EML4: variants seen among roughly 807,000 people sequenced by gnomAD.
EML4 encodes the protein echinoderm microtubule-associated protein-like 4.
In EML4, 72 loss-of-function variants were observed where a neutral mutation model predicts 129.0. That is an observed-to-expected ratio of 0.56 (90% CI 0.46 to 0.68). EML4 has a LOEUF of 0.68. Among genes scored for constraint, EML4 ranks in the 30% least tolerant of loss-of-function variants. The probability of loss-of-function intolerance (pLI) is 0.00; values close to 1 mark genes in which losing one functional copy is unlikely to be tolerated. For missense variants in EML4, 1,363 were observed against 1,190.6 expected (o/e 1.14, Z -2.13); for synonymous variants, 532 against 405.0 (o/e 1.31, Z -3.77).
At chr2:42,232,328 GT>G (rs1674399882) in intron 1 of EML4, among the ~76,000 whole-genome samples, 2 of 152,180 alleles carry the variant, frequency 1.3e-5, no homozygotes, top group South Asian at 4.1e-4. Flanking sequence ...AAAGCACTTT[GT>G]TACAGAACTT....
At chr2:42,296,251 G>C (rs1291108431) in intron 13 of EML4, among the ~76,000 whole-genome samples, 3 of 152,084 alleles carry the variant, frequency 2.0e-5, no homozygotes, top group Non-Finnish European at 4.4e-5. Flanking sequence ...AAACCAGTGG[G>C]CCAGGAGAAG....
chr2:42,244,100 TG>T (rs1383221947), intron 1 of EML4, among the ~76,000 whole-genome samples: 2 of 47,656 alleles, frequency 4.2e-5, no homozygotes, highest in South Asian at 5.5e-4. Context: ...TTTTGTTTTT[TG>T]TTTTTTTTTT....
chr2:42,233,357 G>A (rs1469181924), intron 1 of EML4, among the ~76,000 whole-genome samples: 1 of 150,374 alleles, frequency 6.7e-6, no homozygotes, highest in African/African-American at 2.5e-5. Flanking sequence ...CCAGGCTGGA[G>A]TGCAGTGGCG....
chr2:42,209,022 A>G (rs1438066633), intron 1 of EML4, among the ~76,000 whole-genome samples: 1 of 152,122 alleles, frequency 6.6e-6, no homozygotes, highest in Non-Finnish European at 1.5e-5. Flanking sequence ...TTATCCCCTA[A>G]GAGTCCATCG....
intron 17 of EML4, among the ~76,000 whole-genome samples, chr2:42,314,838 A>C (rs1669148220): frequency 1.3e-5 from 2 of 152,228 alleles, no homozygotes; most frequent in South Asian, 4.1e-4. Context: ...GCTCTTCTGA[A>C]GTACCCATCC....
chr2:42,295,938 C>T (rs1667922829), intron 13 of EML4, among the ~76,000 whole-genome samples: 1 of 152,138 alleles, frequency 6.6e-6, no homozygotes, highest in African/African-American at 2.4e-5. Flanking sequence ...TTCCTCACTG[C>T]AGCCCTTCTT....
chr2:42,203,779 G>T (rs886545769), intron 1 of EML4, among the ~76,000 whole-genome samples: 1 of 151,576 alleles, frequency 6.6e-6, no homozygotes, highest in African/African-American at 2.4e-5. Flanking sequence ...GGCACAAAAA[G>T]GCCTGGACCT....
intron 2 of EML4, among the ~76,000 whole-genome samples, chr2:42,246,679 G>A (rs1209021191): frequency 6.6e-6 from 1 of 152,176 alleles, no homozygotes; most frequent in Non-Finnish European, 1.5e-5. Context: ...CTAGCAGTAA[G>A]AATTTGGGAA....
intron 7 of EML4, among the ~76,000 whole-genome samples, chr2:42,282,620 T>A (rs1667074167): frequency 6.6e-6 from 1 of 152,118 alleles, no homozygotes; most frequent in South Asian, 2.1e-4. Context: ...CTCAAACTCC[T>A]GGACTGAAGT....
At position 42,332,009 on chromosome 2, in the gene EML4, C is replaced by G. The variant is rs1404223584; in HGVS notation, c.*1802C>G. 4.5e-6 allele frequency: 1 copy of G among 221,078 alleles called. No individual in the cohort carries two copies. Among genetic ancestry groups the G allele is most frequent in the Middle Eastern group, 1.4e-3 (1 of 730 alleles). 13.7% of individuals were successfully genotyped at this position (221,078 alleles called of 1,614,324 possible). ...CCCATCTTTCTTCAGTATGTATGTT[C>G]TGTACATACTTATCGGAGCGCGCCA... On this transcript the variant is annotated 3_prime_UTR_variant, in exon 23 of 23. Coordinates refer to ENST00000318522, the MANE Select transcript of EML4 (RefSeq NM_019063.5).
At chr2:42,224,455 A>G (rs1022881107) in intron 1 of EML4, among the ~76,000 whole-genome samples, 6 of 152,090 alleles carry the variant, frequency 3.9e-5, no homozygotes, top group Admixed American at 6.5e-5. Flanking sequence ...TCAACATTTG[A>G]TGGACATTTG....
chr2:42,246,818 C>G (rs151127972), intron 2 of EML4, among the ~76,000 whole-genome samples: 3 of 152,128 alleles, frequency 2.0e-5, no homozygotes, highest in African/African-American at 7.2e-5. Context: ...CAGCTGCTTA[C>G]AGAGATGTCA....
At chr2:42,325,602 T>TTTTTTATATATATATATATATA (rs1286364147) in intron 20 of EML4, 48 bp downstream of exon 20, 3 of 124,278 alleles carry the variant, frequency 2.4e-5, no homozygotes, top group African/African-American at 8.9e-5. Context: ...ATGATTATAT[T>TTTTTTATATATATATATATATA]TATATATATA....
chr2:42,317,596 T>G (rs1669311277), intron 19 of EML4, 72 bp downstream of exon 19: 1 of 996,872 alleles, frequency 1.0e-6, no homozygotes, highest in Non-Finnish European at 1.5e-6. Flanking sequence ...AATTTTTACA[T>G]CGATGTGTGT....
chr2:42,261,562 C>A (rs150294109), intron 4 of EML4: 2 of 280,028 alleles, frequency 7.1e-6, no homozygotes, highest in East Asian at 1.2e-4. Context: ...ATAACCTAGT[C>A]GAAAACCAAA....
Position 42,192,481 on chromosome 2 carries a change from C to G in EML4, c.25+22845C>G, listed in dbSNP as rs149118808. ...TCTTAAACTCCTGACCTCAAGTGATCCACCTGCCTCAGCCTCCCAAAGTAC... is the reference window on the plus strand; with the variant it reads ...TCTTAAACTCCTGACCTCAAGTGATGCACCTGCCTCAGCCTCCCAAAGTAC... On this transcript the variant is annotated intron_variant, in intron 1 of 22. Coordinates refer to ENST00000318522, the MANE Select transcript of EML4 (RefSeq NM_019063.5). 2.7e-3 allele frequency among the ~76,000 whole-genome samples: 404 copies of G among 152,168 alleles called. 2 individuals carry two copies. Among genetic ancestry groups the G allele is most frequent in the African/African-American group, 9.3e-3 (387 of 41,512 alleles).
chr2:42,181,114 C>G (rs547994198), intron 1 of EML4, among the ~76,000 whole-genome samples: 3 of 152,262 alleles, frequency 2.0e-5, no homozygotes, highest in East Asian at 1.9e-4. Flanking sequence ...GTCTGCTAGA[C>G]TTGCCCACAA....
intron 7 of EML4, among the ~76,000 whole-genome samples, chr2:42,281,634 A>G (rs1381838695): frequency 6.6e-6 from 1 of 152,168 alleles, no homozygotes; most frequent in Non-Finnish European, 1.5e-5. Flanking sequence ...AATAACCCAT[A>G]CCTCACAGGG....
chr2:42,176,769 C>T (rs1670629443), intron 1 of EML4, among the ~76,000 whole-genome samples: 1 of 151,986 alleles, frequency 6.6e-6, no homozygotes, highest in Non-Finnish European at 1.5e-5. Context: ...GTCTTATTTC[C>T]CTGAGCCAAA....
Sources: gnomAD v4.1 joint callset for allele counts (sites outside exome capture counted in the v4.1 genomes callset) on GRCh38, gnomAD v4.1.1 for gene constraint, MANE v1.5 for transcripts, NCBI Gene and HGNC (gene_info 2026-07-23, HGNC 2026-07-21) for gene names.